CEP135: variants seen among roughly 807,000 people sequenced by gnomAD.
CEP135 encodes the protein centrosomal protein of 135 kDa.
In CEP135, 142 loss-of-function variants were observed where a neutral mutation model predicts 157.3. The observed-to-expected ratio is 0.90, with a 90% CI of 0.79 to 1.04. The LOEUF is 1.04. Ranked by LOEUF, CEP135 falls within the 50% of genes least tolerant of loss-of-function variation. The pLI is 0.00. For missense variants in CEP135, 1,317 were observed against 1,309.2 expected (o/e 1.01, Z -0.09); for synonymous variants, 396 against 439.8 (o/e 0.90, Z 1.25).
At chr4:56,019,103 G>A (rs1730881710) in intron 22 of CEP135, among the ~76,000 whole-genome samples, 2 of 152,082 alleles carry the variant, frequency 1.3e-5, no homozygotes, top group South Asian at 4.1e-4. Flanking sequence ...AAGGTACCAT[G>A]ACTAAAAATT....
intron 4 of CEP135, 101 bp from the exon 5 acceptor site, chr4:55,957,122 A>C: frequency 8.2e-7 from 1 of 1,224,154 alleles, no homozygotes; most frequent in Admixed American, 2.2e-5. Flanking sequence ...TGTATTATGA[A>C]CTGCAGACAC....
chr4:56,008,444 C>G, intron 18 of CEP135, 62 bp downstream of exon 18: 1 of 1,282,128 alleles, frequency 7.8e-7, no homozygotes, highest in Non-Finnish European at 1.1e-6. Context: ...ACAGCTTTAT[C>G]TATTCAGTAG....
rs551511825 is a variant in CEP135, at chr4:55,985,466, T to A, written c.1857+108T>A. 23 of 378,000 alleles carry A rather than the reference T, an allele frequency of 6.1e-5. No individual in the cohort carries two copies. The Admixed American group carries it at 9.5e-4, about 16-fold the overall frequency. The allele number at this position is 378,000 out of a possible 1,614,324, so 23.4% of individuals were successfully genotyped here. ...TTTTAATTTTATTTTTATTTTTATT[T>A]ATTTTTTGAGATGGAGTCTCGCTCT... is the stretch of plus-strand genomic sequence containing the variant. On this transcript the variant is annotated intron_variant, in intron 14 of 25. Transcript: ENST00000257287.
At chr4:56,020,982 A>G (rs557463237) in intron 24 of CEP135, among the ~76,000 whole-genome samples, 1 of 152,330 alleles carries the variant, frequency 6.6e-6, no homozygotes, top group East Asian at 1.9e-4. Context: ...AATAGCAAGT[A>G]TTACATAGCG....
chr4:55,954,115 A>C (rs1221712141), intron 3 of CEP135, 101 bp from the exon 4 acceptor site: 1 of 1,043,438 alleles, frequency 9.6e-7, no homozygotes, highest in African/African-American at 1.6e-5. Flanking sequence ...AAGCAGGTGG[A>C]GACTTTTAAA....
intron 17 of CEP135, among the ~76,000 whole-genome samples, chr4:56,004,908 TA>T (rs1353033111): frequency 2.0e-5 from 3 of 150,018 alleles, no homozygotes; most frequent in Non-Finnish European, 3.0e-5. Flanking sequence ...AATTGATATG[TA>T]AGGACTTAAT....
chr4:55,951,856 A>G (rs1258420169), intron 1 of CEP135, among the ~76,000 whole-genome samples: 1 of 152,202 alleles, frequency 6.6e-6, no homozygotes, highest in African/African-American at 2.4e-5. Flanking sequence ...GTTTTCTCCT[A>G]GAAGCTTTAG....
At chr4:55,956,543 A>G (rs1163251167) in intron 4 of CEP135, among the ~76,000 whole-genome samples, 1 of 151,946 alleles carries the variant, frequency 6.6e-6, no homozygotes, top group Non-Finnish European at 1.5e-5. Flanking sequence ...CGCATATTTT[A>G]GTTCTCACTG....
intron 17 of CEP135, 25 bp downstream of exon 17, chr4:55,999,670 T>C (rs1281581094): frequency 6.3e-7 from 1 of 1,575,322 alleles, no homozygotes; most frequent in Non-Finnish European, 8.6e-7. Flanking sequence ...AATGTAATTT[T>C]CCAGCATCCA....
intron 15 of CEP135, among the ~76,000 whole-genome samples, 193 bp from the exon 16 acceptor site, chr4:55,999,109 A>G (rs868171769): frequency 2.0e-5 from 3 of 152,204 alleles, no homozygotes; most frequent in Admixed American, 1.3e-4. Context: ...AGATGGAACC[A>G]TTTTGGAGAA....
rs143445350 is a variant in CEP135 at position 55,972,365 on chromosome 4, TA to T, written c.1249+960del. 7.7e-3 allele frequency among the ~76,000 whole-genome samples: 1,174 copies of T among 152,102 alleles called. 13 individuals are homozygous for T. The highest frequency in any genetic ancestry group is 0.024 in the African/African-American group (1,004 of 41,428). On this transcript the variant is annotated intron_variant, in intron 10 of 25. Coordinates refer to ENST00000257287, the MANE Select transcript of CEP135 (RefSeq NM_025009.5). ...GTTAATTTTAGTTGATAAGAGGTAT[TA>T]AATTAGAATGGGAGGATGTGCTAGA...
intron 25 of CEP135, among the ~76,000 whole-genome samples, chr4:56,027,559 C>T (rs1731197938): frequency 6.6e-6 from 1 of 152,016 alleles, no homozygotes; most frequent in African/African-American, 2.4e-5. Context: ...TAGGCTTGAC[C>T]TTGTAGAGTC....
chr4:55,969,863 TTTTATTTA>T (rs546828955), intron 9 of CEP135, among the ~76,000 whole-genome samples: 1 of 152,066 alleles, frequency 6.6e-6, no homozygotes. Flanking sequence ...CTCCATCCTC[TTTTATTTA>T]TTTATTTATT....
intron 25 of CEP135, among the ~76,000 whole-genome samples, chr4:56,029,195 C>T (rs1185503173): frequency 3.3e-5 from 5 of 152,232 alleles, no homozygotes; most frequent in East Asian, 1.9e-4. Flanking sequence ...CTGTAAGCAT[C>T]GCCAAGTGTT....
At chr4:56,005,380 A>G (rs1457378710) in intron 17 of CEP135, among the ~76,000 whole-genome samples, 1 of 152,174 alleles carries the variant, frequency 6.6e-6, no homozygotes, top group African/African-American at 2.4e-5. Context: ...AGCTATGATC[A>G]TACCATTACA....
In CEP135 at chr4:55,969,119, A is replaced by G; in HGVS notation, c.1101A>G (p.Lys367=). Reference sequence around the variant, plus strand: ...AGGATCTTGAAGAAACAATGGCAAAACTTCAGCTGGTAAGTTGATGTCATG... The same window carrying G: ...AGGATCTTGAAGAAACAATGGCAAAGCTTCAGCTGGTAAGTTGATGTCATG... The part of the protein sequence containing the change: ...EMQDLEETMA[K]LQLELNLCQK... Residue 367 remains lysine, a synonymous_variant, in exon 9 of 26, where the codon AAA becomes AAG. Coordinates refer to ENST00000257287, the MANE Select transcript of CEP135 (RefSeq NM_025009.5). 1 of 1,612,312 alleles carries G rather than the reference A, an allele frequency of 6.2e-7. No homozygotes were observed. Among genetic ancestry groups the G allele is most frequent in the African/African-American group, 1.3e-5 (1 of 74,898 alleles).
At chr4:56,024,393 T>C (rs1168822561) in intron 24 of CEP135, 108 bp from the exon 25 acceptor site, 3 of 691,874 alleles carry the variant, frequency 4.3e-6, no homozygotes, top group Non-Finnish European at 7.5e-6. Context: ...TTAATAGTAA[T>C]ACTAAGTAAT....
At chr4:55,958,805 G>T (rs1450802941) in intron 5 of CEP135, among the ~76,000 whole-genome samples, 1 of 151,998 alleles carries the variant, frequency 6.6e-6, no homozygotes, top group Non-Finnish European at 1.5e-5. Context: ...CCTGGGGCTG[G>T]AAGCACTGTG....
chr4:55,957,989 T>G (rs1270426695), intron 5 of CEP135, among the ~76,000 whole-genome samples: 1 of 152,206 alleles, frequency 6.6e-6, no homozygotes, highest in African/African-American at 2.4e-5. Flanking sequence ...CTCAAAGGAA[T>G]GGATGAGCAC....
Sources: allele counts gnomAD v4.1 joint callset (sites outside exome capture counted in the v4.1 genomes callset), GRCh38; gene constraint gnomAD v4.1.1; transcripts MANE v1.5; gene names NCBI Gene and HGNC (gene_info 2026-07-23, HGNC 2026-07-21).